Variants in SPIDR observed in about 807,000 individuals in gnomAD.
SPIDR encodes the protein DNA repair-scaffolding protein.
Under a neutral mutation model 104.6 loss-of-function variants are expected in SPIDR, and 93 were observed. That is an observed-to-expected ratio of 0.89 (90% CI 0.75 to 1.06). SPIDR has a LOEUF of 1.06. Among genes scored for constraint, SPIDR ranks in the 50% least tolerant of loss-of-function variants. SPIDR has a pLI of 0.00. For missense variants in SPIDR, 1,154 were observed against 1,111.2 expected, an observed-to-expected ratio of 1.04 and a Z score of -0.55; for synonymous variants, 431 against 416.9, an observed-to-expected ratio of 1.03 and a Z score of -0.41.
chr8:47,335,526 C>T (rs2049526668), intron 5 of SPIDR, among the ~76,000 whole-genome samples: 1 of 152,222 alleles, frequency 6.6e-6, no homozygotes, highest in South Asian at 2.1e-4. Context: ...TCTCAGCTTA[C>T]TGCAACCTCC....
chr8:47,630,820 C>T (rs752789462), intron 10 of SPIDR, among the ~76,000 whole-genome samples: 1 of 152,186 alleles, frequency 6.6e-6, no homozygotes, highest in Admixed American at 6.5e-5. Context: ...ATGGCTGATC[C>T]GACGTTCCTG....
At chr8:47,563,153 G>A (rs186989303) in intron 8 of SPIDR, among the ~76,000 whole-genome samples, 196 of 151,716 alleles carry the variant, frequency 1.3e-3, no homozygotes, top group Non-Finnish European at 2.4e-3. Context: ...GAGGGAGGCA[G>A]CTCAGATCAC....
At chr8:47,559,228 GT>G (rs2154400679) in intron 8 of SPIDR, among the ~76,000 whole-genome samples, 1 of 152,336 alleles carries the variant, frequency 6.6e-6, no homozygotes, top group South Asian at 2.1e-4. Context: ...TGCATAAATA[GT>G]GGACATTTTA....
intron 8 of SPIDR, among the ~76,000 whole-genome samples, chr8:47,480,200 T>C (rs1192226615): frequency 3.9e-5 from 6 of 152,134 alleles, no homozygotes; most frequent in Admixed American, 3.9e-4. Context: ...ACTGAAGATT[T>C]AGAGGTGAAT....
intron 8 of SPIDR, among the ~76,000 whole-genome samples, chr8:47,505,317 A>T (rs1586830695): frequency 6.6e-6 from 1 of 152,086 alleles, no homozygotes; most frequent in Non-Finnish European, 1.5e-5. Flanking sequence ...TTGTTTACCT[A>T]CCCAAGCCTC....
chr8:47,419,880 A>T (rs1373841426), intron 7 of SPIDR, among the ~76,000 whole-genome samples: 7 of 152,082 alleles, frequency 4.6e-5, no homozygotes, highest in Non-Finnish European at 8.8e-5. Context: ...TTATGTACCC[A>T]GTAGTCATTC....
chr8:47,519,129 G>A (rs1318406842), intron 8 of SPIDR, among the ~76,000 whole-genome samples: 1 of 151,480 alleles, frequency 6.6e-6, no homozygotes. Context: ...GTGTTTTGTT[G>A]TTGTTGTTGT....
chr8:47,583,894 C>G (rs1352056612), intron 8 of SPIDR, among the ~76,000 whole-genome samples: 1 of 152,202 alleles, frequency 6.6e-6, no homozygotes, highest in Non-Finnish European at 1.5e-5. Context: ...GCATCACATC[C>G]GAGTCACAAC....
intron 5 of SPIDR, among the ~76,000 whole-genome samples, chr8:47,381,147 G>A (rs1028190972): frequency 3.9e-5 from 6 of 152,142 alleles, no homozygotes; most frequent in African/African-American, 1.4e-4. Flanking sequence ...ATAGACCTGT[G>A]GATAAAGACT....
intron 8 of SPIDR, among the ~76,000 whole-genome samples, chr8:47,463,402 G>A (rs532796793): frequency 2.6e-4 from 40 of 151,018 alleles, no homozygotes; most frequent in African/African-American, 9.2e-4. Context: ...AATGAAGAAA[G>A]ACTCGCTATC....
At chr8:47,541,794 G>A (rs1408920981) in intron 8 of SPIDR, among the ~76,000 whole-genome samples, 1 of 152,068 alleles carries the variant, frequency 6.6e-6, no homozygotes, top group Non-Finnish European at 1.5e-5. Context: ...AGCTATTCGG[G>A]AGGCTGAGGT....
In SPIDR at chr8:47,735,111, GGTGT is replaced by G. The variant is rs202076247; in HGVS notation, c.2605-175_2605-172del. On this transcript the variant is annotated intron_variant, in intron 19 of 19. Coordinates refer to ENST00000297423, the MANE Select transcript of SPIDR (RefSeq NM_001080394.4). ...GGGTGTGTGGGTGTGTGTGTGTGTG[GGTGT>G]GTGTGTGTGTGTGTGTGTGTAGTGG... Among the ~76,000 whole-genome samples the G allele has an allele frequency of 2.0e-3, 272 of 135,238 alleles. 1 individual carries two copies. The highest frequency in any genetic ancestry group is 0.013 in the East Asian group (64 of 4,898). 88.7% of individuals were successfully genotyped at this position (135,238 alleles called of 152,430 possible).
chr8:47,619,598 A>T (rs1158805617), intron 10 of SPIDR, among the ~76,000 whole-genome samples: 1 of 149,144 alleles, frequency 6.7e-6, no homozygotes, highest in Non-Finnish European at 1.5e-5. Flanking sequence ...TACTCTGAAT[A>T]TGCATATATG....
chr8:47,391,041 C>T lies in SPIDR; in HGVS notation c.526-5335C>T, dbSNP rs188293530. On this transcript the variant is annotated intron_variant, in intron 5 of 19. Coordinates refer to ENST00000297423, the MANE Select transcript of SPIDR (RefSeq NM_001080394.4). ...CCTGTACATATCCTTTCTGAAAGAT[C>T]GTGTGTTTCTCACAGTCGGGCTTAG... 6.5e-4 allele frequency among the ~76,000 whole-genome samples: 99 copies of T among 152,274 alleles called. No individual in the cohort carries two copies. In the South Asian group the frequency reaches 9.9e-3, roughly 15 times the overall value.
At chr8:47,728,009 T>G (rs1436671094) in intron 17 of SPIDR, among the ~76,000 whole-genome samples, 2 of 149,970 alleles carry the variant, frequency 1.3e-5, no homozygotes, top group African/African-American at 4.9e-5. Context: ...CCCAGCTGCT[T>G]GGGAGGCTGA....
chr8:47,538,852 C>CTTCTCT (rs2087477930), intron 8 of SPIDR, among the ~76,000 whole-genome samples: 1 of 126,900 alleles, frequency 7.9e-6, no homozygotes, highest in Admixed American at 7.7e-5. Context: ...TGCCTTTTTT[C>CTTCTCT]TTTTCTTTTT....
chr8:47,637,903 AGTT>A (rs2154445551), intron 10 of SPIDR, among the ~76,000 whole-genome samples: 1 of 152,296 alleles, frequency 6.6e-6, no homozygotes, highest in South Asian at 2.1e-4. Context: ...ATGGTGGAGC[AGTT>A]GTTTGGAATT....
At chr8:47,602,884 CT>C (rs1194419439) in intron 10 of SPIDR, among the ~76,000 whole-genome samples, 1 of 152,228 alleles carries the variant, frequency 6.6e-6, no homozygotes, top group African/African-American at 2.4e-5. Context: ...TTAGAGTCCC[CT>C]GTCCATTGTT....
At chr8:47,294,750 C>T (rs1290690758) in intron 5 of SPIDR, among the ~76,000 whole-genome samples, 1 of 152,212 alleles carries the variant, frequency 6.6e-6, no homozygotes, top group Non-Finnish European at 1.5e-5. Context: ...CTCACCTCAG[C>T]CTCCAGAGTA....
Sources: gnomAD v4.1 joint callset for allele counts (sites outside exome capture counted in the v4.1 genomes callset) on GRCh38, gnomAD v4.1.1 for gene constraint, MANE v1.5 for transcripts, NCBI Gene and HGNC (gene_info 2026-07-23, HGNC 2026-07-21) for gene names.